The following NAPEPLD variants were observed in gnomAD, a reference collection of about 807,000 sequenced individuals.
NAPEPLD encodes N-acyl-phosphatidylethanolamine-hydrolyzing phospholipase D.
A neutral mutation model predicts 38.1 loss-of-function variants in NAPEPLD; 23 were observed. The ratio of observed to expected loss-of-function variants is 0.60; its 90% CI spans 0.43 to 0.86. The LOEUF (loss-of-function observed/expected upper bound fraction) is 0.86. Ranked by LOEUF, NAPEPLD falls within the 40% of genes least tolerant of loss-of-function variation. The pLI is 0.00. For synonymous variants in NAPEPLD, 147 were observed against 162.0 expected, an observed-to-expected ratio of 0.91 and a Z score of 0.71; for missense variants, 411 against 476.8, an observed-to-expected ratio of 0.86 and a Z score of 1.28.
chr7:103,129,083 T>G (rs934820631), intron 1 of NAPEPLD, among the ~76,000 whole-genome samples: 7 of 152,018 alleles, frequency 4.6e-5, no homozygotes, highest in African/African-American at 1.7e-4. Flanking sequence ...CTGACCAACA[T>G]GGAGAAAGCC....
At chr7:103,121,779 T>C (rs2129529104) in intron 2 of NAPEPLD, among the ~76,000 whole-genome samples, 1 of 152,290 alleles carries the variant, frequency 6.6e-6, no homozygotes, top group African/African-American at 2.4e-5. Flanking sequence ...AAGTTGCCAC[T>C]AAATCAACTT....
rs1430371359 is a variant in NAPEPLD at position 103,120,078 on chromosome 7, T to A, written c.440A>T (p.Asp147Val). ...VEMDELIFLT[D>V]PIFSSRASPS... is the part of the protein sequence containing the mutation. ...TGAAGCACGAGAGCTAAAGATGGGA[T>A]CCGTGAGAAATATGAGCTCATCCAT... The change falls in exon 3 of 5, where the codon GAT becomes GTT. Residue 147 changes from aspartate to valine, a missense_variant. Asp to Val is a radical substitution (Grantham distance 152). Transcript: ENST00000465647. 1 of 1,614,070 alleles carries A rather than the reference T, an allele frequency of 6.2e-7. No homozygotes were observed. The highest frequency in any genetic ancestry group is 1.3e-5 in the African/African-American group (1 of 74,922).
At chr7:103,136,587 C>CAAAAAAAAAAAAAAAAAAA (rs10708983) in intron 1 of NAPEPLD, among the ~76,000 whole-genome samples, 1 of 96,162 alleles carries the variant, frequency 1.0e-5, no homozygotes. Context: ...CTCTGTCTCA[C>CAAAAAAAAAAAAAAAAAAA]AAAAAAAAAA....
chr7:103,141,842 G>T lies in NAPEPLD; in HGVS notation c.-17+6969C>A, dbSNP rs558942961. 142 of 972,428 alleles carry T rather than the reference G, an allele frequency of 1.5e-4. 1 individual carries two copies. In the South Asian group the frequency reaches 1.8e-3, roughly 12 times the overall value. 60.2% of individuals were successfully genotyped at this position (972,428 alleles called of 1,614,324 possible). A position where few individuals can be genotyped will look rare whatever the true frequency, so the allele number is the denominator to read the frequency against. Reference sequence around the variant, plus strand: ...GATCTGCTGACGGGAGTTGGCATTGGTGATTTCATTGGTCTCATTGGGGTC... The same window carrying T: ...GATCTGCTGACGGGAGTTGGCATTGTTGATTTCATTGGTCTCATTGGGGTC... On this transcript the variant is annotated intron_variant, in intron 1 of 4. Coordinates refer to ENST00000465647, the MANE Select transcript of NAPEPLD (RefSeq NM_001122838.3).
chr7:103,113,572 CTTT>C (rs5886246), intron 4 of NAPEPLD, among the ~76,000 whole-genome samples: 1 of 138,276 alleles, frequency 7.2e-6, no homozygotes, highest in Non-Finnish European at 1.5e-5. Context: ...CCTAACCACA[CTTT>C]TTTTTTTTTT....
chr7:103,105,510 C>A (rs1446150391), intron 4 of NAPEPLD, among the ~76,000 whole-genome samples: 2 of 152,198 alleles, frequency 1.3e-5, no homozygotes, highest in African/African-American at 4.8e-5. Flanking sequence ...AGGAAATGCA[C>A]TCATCATTCC....
intron 4 of NAPEPLD, among the ~76,000 whole-genome samples, chr7:103,107,235 C>T (rs984731021): frequency 6.6e-6 from 1 of 152,078 alleles, no homozygotes; most frequent in Non-Finnish European, 1.5e-5. Context: ...CTCATAGAGC[C>T]CACCTGAAGG....
Position 103,141,707 on chromosome 7 carries a change from A to G in NAPEPLD, c.-17+7104T>C, listed in dbSNP as rs1028538264. The G allele has an allele frequency of 5.3e-5, 46 of 874,376 alleles. 1 individual carries two copies. Among genetic ancestry groups the G allele is most frequent in the Non-Finnish European group, 8.1e-5 (41 of 504,050 alleles). The allele number at this position is 874,376 out of a possible 1,614,324, so 54.2% of individuals were successfully genotyped here. On this transcript the variant is annotated intron_variant, in intron 1 of 4. Transcript: ENST00000465647. ...ATTGGCTGTACCCTTCCGCTTACCT[A>G]TGCCCATATGCCTGCCCTTCCGGCA...
At chr7:103,149,732 G>GC (rs1813337987), upstream of NAPEPLD, among the ~76,000 whole-genome samples, 1 of 152,200 alleles carries the variant, frequency 6.6e-6, no homozygotes, top group Admixed American at 6.5e-5. Flanking sequence ...GCTGTCCTAA[G>GC]CCAGAGGCTT....
At chr7:103,134,717 A>G (rs2129533058) in intron 1 of NAPEPLD, among the ~76,000 whole-genome samples, 1 of 152,354 alleles carries the variant, frequency 6.6e-6, no homozygotes, top group East Asian at 1.9e-4. Flanking sequence ...AGGACAACAT[A>G]AAGTCCATCT....
intron 1 of NAPEPLD, among the ~76,000 whole-genome samples, chr7:103,137,815 C>CAAAAAA (rs79429621): frequency 1.6e-4 from 17 of 107,390 alleles, no homozygotes; most frequent in African/African-American, 6.0e-4. Flanking sequence ...GATGCTGTCT[C>CAAAAAA]AAAAAAAAAA....
At chr7:103,111,723 C>T (rs1804564058) in intron 4 of NAPEPLD, among the ~76,000 whole-genome samples, 1 of 152,096 alleles carries the variant, frequency 6.6e-6, no homozygotes, top group Non-Finnish European at 1.5e-5. Flanking sequence ...GACTAAAATA[C>T]CAAAAGCAAT....
At chr7:103,128,418 C>A (rs1457708967) in intron 2 of NAPEPLD, 65 bp downstream of exon 2, 1 of 1,561,652 alleles carries the variant, frequency 6.4e-7, no homozygotes, top group Non-Finnish European at 8.7e-7. Context: ...TATACAAGGG[C>A]TCAAATAACT....
At chr7:103,147,060 G>A (rs1284699372) in intron 1 of NAPEPLD, among the ~76,000 whole-genome samples, 1 of 152,192 alleles carries the variant, frequency 6.6e-6, no homozygotes, top group Non-Finnish European at 1.5e-5. Flanking sequence ...GGATATATGA[G>A]TTCGTATGCA....
intron 2 of NAPEPLD, among the ~76,000 whole-genome samples, chr7:103,125,109 A>T (rs768667182): frequency 2.0e-4 from 31 of 152,248 alleles, no homozygotes; most frequent in Non-Finnish European, 4.3e-4. Context: ...TTCCAACTGA[A>T]GGTACATTTT....
chr7:103,145,772 TC>T (rs1812418490), intron 1 of NAPEPLD, among the ~76,000 whole-genome samples: 1 of 152,120 alleles, frequency 6.6e-6, no homozygotes, highest in Non-Finnish European at 1.5e-5. Flanking sequence ...AGCCATGCTG[TC>T]ACCCTAATTA....
chr7:103,142,072 G>A (rs1811519352), intron 1 of NAPEPLD: 1 of 583,428 alleles, frequency 1.7e-6, no homozygotes, highest in Non-Finnish European at 3.0e-6. Flanking sequence ...GGGTGTTTCT[G>A]ATATACAGGC....
At chr7:103,130,460 C>T (rs749814473) in intron 1 of NAPEPLD, among the ~76,000 whole-genome samples, 6 of 152,246 alleles carry the variant, frequency 3.9e-5, no homozygotes, top group Middle Eastern at 3.2e-3. Context: ...CCATTTTCTC[C>T]TGGTAAACTA....
chr7:103,139,564 T>C (rs753055385), intron 1 of NAPEPLD, among the ~76,000 whole-genome samples: 5 of 152,218 alleles, frequency 3.3e-5, no homozygotes, highest in Admixed American at 6.5e-5. Context: ...CAGAACTTTC[T>C]GAATTCAGCC....
Sources: allele counts gnomAD v4.1 joint callset (sites outside exome capture counted in the v4.1 genomes callset), GRCh38; gene constraint gnomAD v4.1.1; transcripts MANE v1.5; gene names NCBI Gene and HGNC (gene_info 2026-07-23, HGNC 2026-07-21).